IGF2R: variants seen among roughly 807,000 people sequenced by gnomAD.
The protein encoded by IGF2R is insulin like growth factor 2 receptor, also known as cation-independent mannose-6-phosphate receptor.
Under a neutral mutation model 270.6 loss-of-function variants are expected in IGF2R, and 91 were observed. That is an observed-to-expected ratio of 0.34 (90% CI 0.28 to 0.40). The LOEUF is 0.40. Among genes scored for constraint, IGF2R ranks in the 10% least tolerant of loss-of-function variants. IGF2R has a pLI of 1.00. For synonymous variants in IGF2R, 1,316 were observed against 1,258.9 expected (o/e 1.05, Z -0.96); for missense variants, 2,805 against 3,188.3 (o/e 0.88, Z 2.90).
At chr6:160,072,501 C>T (rs542579686) in intron 32 of IGF2R, among the ~76,000 whole-genome samples, 3 of 152,348 alleles carry the variant, frequency 2.0e-5, no homozygotes, top group Admixed American at 2.0e-4. Context: ...GCCCACCAGA[C>T]TCTTAGTGGC....
rs8191887 is a variant in IGF2R at position 160,072,936 on chromosome 6, T to C, written c.4690+52T>C. 978 of 1,563,460 alleles carry C rather than the reference T, an allele frequency of 6.3e-4. 9 individuals carry two copies. In the African/African-American group the frequency reaches 0.012, roughly 19 times the overall value. Reference sequence around the variant, plus strand: ...GTCTGACTCTCCCGTCCTCTGGGGTTGTCCTCAGTCTCTTTGCATGCTAAT... The same window carrying C: ...GTCTGACTCTCCCGTCCTCTGGGGTCGTCCTCAGTCTCTTTGCATGCTAAT... On this transcript the variant is annotated intron_variant, in intron 33 of 47. Coordinates refer to ENST00000356956, the MANE Select transcript of IGF2R (RefSeq NM_000876.4).
Position 160,073,918 on chromosome 6 carries a change from AGT to A in IGF2R, c.5111_5112del (p.Val1704AlafsTer14). The part of the protein sequence containing the change: ...ICQPLNPMHG[V>X]PCPAGAAVCK... ...GTCAGCCACTAAATCCCATGCACGG[AGT>A]GCCCTGTCCTGCCGGAGCCGCTGTG... On this transcript the variant is annotated frameshift_variant, in exon 35 of 48. Transcript: ENST00000356956. LOFTEE classifies it high-confidence loss of function. The A allele has an allele frequency of 6.2e-7, 1 of 1,614,186 alleles. No homozygotes were observed. The highest frequency in any genetic ancestry group is 8.5e-7 in the Non-Finnish European group (1 of 1,180,016).
chr6:160,043,080 C>T (rs1777982125), intron 11 of IGF2R, 68 bp from the exon 12 acceptor site: 7 of 1,556,876 alleles, frequency 4.5e-6, no homozygotes, highest in Middle Eastern at 1.7e-4. Context: ...GGCTTAATCA[C>T]TATTTATTCT....
intron 4 of IGF2R, among the ~76,000 whole-genome samples, chr6:160,021,750 GA>G (rs955349441): frequency 6.6e-6 from 1 of 151,540 alleles, no homozygotes; most frequent in African/African-American, 2.4e-5. Context: ...CAGAGTTGCA[GA>G]AAAAAAAGAG....
Position 160,034,476 on chromosome 6 carries a change from G to T in IGF2R, c.1269G>T (p.Gly423=). The stretch of plus-strand genomic sequence containing the variant: ...TTGGAGGTGATGAATGCAGCTCAGG[G>T]TTTCAGCGGATGAGCGTCATAAACT... The part of the protein sequence containing the change: ...IYFGGDECSS[G]FQRMSVINFE... The change falls in exon 10 of 48, where the codon GGG becomes GGT. Residue 423 remains glycine (G), a synonymous_variant. Coordinates refer to ENST00000356956, the MANE Select transcript of IGF2R (RefSeq NM_000876.4). 1.2e-6 allele frequency: 2 copies of T among 1,611,710 alleles called. No individual in the cohort carries two copies. Among genetic ancestry groups the T allele is most frequent in the Non-Finnish European group, 1.7e-6 (2 of 1,177,840 alleles).
At chr6:160,047,393 C>T (rs1318465476) in intron 16 of IGF2R, 57 bp downstream of exon 16, 3 of 1,412,642 alleles carry the variant, frequency 2.1e-6, no homozygotes, top group African/African-American at 1.4e-5. Flanking sequence ...TGTGGTGGGC[C>T]TTTCATTTAA....
chr6:160,024,059 C>T (rs748052605), intron 4 of IGF2R, among the ~76,000 whole-genome samples: 9 of 152,132 alleles, frequency 5.9e-5, no homozygotes, highest in East Asian at 1.9e-4. Flanking sequence ...GGCTAGGACA[C>T]GAGCACTGGA....
At chr6:160,041,582 A>G (rs1317302155) in intron 11 of IGF2R, among the ~76,000 whole-genome samples, 1 of 152,106 alleles carries the variant, frequency 6.6e-6, no homozygotes, top group Non-Finnish European at 1.5e-5. Flanking sequence ...CGTTCTCCAC[A>G]TGTATCTTGT....
rs532140088 is a variant in IGF2R at position 160,101,990 on chromosome 6, G to A, written c.6843-529G>A. On this transcript the variant is annotated intron_variant, in intron 45 of 47. Coordinates refer to ENST00000356956, the MANE Select transcript of IGF2R (RefSeq NM_000876.4). ...GTCGGGGGCTGTGCTGGGCTCTGCT[G>A]CTCCCTGGGCCCCACCCTGGTCTGT... Among the ~76,000 whole-genome samples, 13 of 152,342 alleles carry A rather than the reference G, an allele frequency of 8.5e-5. No individual in the cohort carries two copies. In the South Asian group the frequency reaches 2.5e-3, roughly 29 times the overall value.
chr6:160,087,771 G>A (rs1336444053), intron 41 of IGF2R, among the ~76,000 whole-genome samples: 1 of 152,170 alleles, frequency 6.6e-6, no homozygotes, highest in Non-Finnish European at 1.5e-5. Flanking sequence ...TGCCTCCCGG[G>A]TTCAAGCAAT....
intron 2 of IGF2R, chr6:160,007,121 A>G (rs1784254521): frequency 6.7e-6 from 1 of 149,186 alleles, no homozygotes; most frequent in Admixed American, 6.6e-5. Context: ...TAATTTATCC[A>G]CTCTTCTGTT....
intron 36 of IGF2R, among the ~76,000 whole-genome samples, chr6:160,076,273 A>G (rs1419575552): frequency 1.3e-5 from 2 of 152,232 alleles, no homozygotes; most frequent in African/African-American, 4.8e-5. Flanking sequence ...TGATGCATAA[A>G]AGTGTCATAA....
chr6:160,046,357 C>T (rs750091336), intron 14 of IGF2R, 141 bp from the exon 15 acceptor site: 4 of 723,630 alleles, frequency 5.5e-6, no homozygotes, highest in East Asian at 2.8e-5. Flanking sequence ...CAAGGGGCAG[C>T]GTCTCTTCTG....
At position 160,079,866 on chromosome 6, in the gene IGF2R, C is replaced by T. The variant is rs558379199; in HGVS notation, c.5686+79C>T. 5,883 of 1,282,202 alleles carry T rather than the reference C, an allele frequency of 4.6e-3. 24 individuals are homozygous for T. The highest frequency in any genetic ancestry group is 5.6e-3 in the Non-Finnish European group (5,297 of 940,282). The allele number at this position is 1,282,202 out of a possible 1,614,324, so 79.4% of individuals were successfully genotyped here. ...TAGACATAGCAGCAGAAAGAAGCTG[C>T]GGAGTGGAGCTCCACGGTCCTATGA... is the stretch of plus-strand genomic sequence containing the variant. On this transcript the variant is annotated intron_variant, in intron 38 of 47. Coordinates refer to ENST00000356956, the MANE Select transcript of IGF2R (RefSeq NM_000876.4).
chr6:160,008,037 T>G (rs1053397486), intron 2 of IGF2R, among the ~76,000 whole-genome samples: 2 of 152,184 alleles, frequency 1.3e-5, no homozygotes, highest in Non-Finnish European at 2.9e-5. Context: ...CCACCTAAAA[T>G]ACACTAATAC....
Position 160,040,629 on chromosome 6 carries a change from C to T in IGF2R, c.1385C>T (p.Thr462Met), listed in dbSNP as rs148927830. ...TGCACCTACTTCTTCACATGGGACA[C>T]GGAATACGCCTGTGTTAAGGAGAAG... The part of the protein sequence containing the change: ...VDCTYFFTWD[T>M]EYACVKEKED... Residue 462 changes from threonine to methionine, a missense_variant, in exon 11 of 48, where the codon ACG (threonine) becomes ATG (methionine). Transcript: ENST00000356956. 7.4e-6 allele frequency: 12 copies of T among 1,614,062 alleles called. No homozygotes were observed. The highest frequency in any genetic ancestry group is 2.2e-5 in the East Asian group (1 of 44,886).
In IGF2R at chr6:160,043,285, G is replaced by T; in HGVS notation, c.1618G>T (p.Val540Leu). ...TCCCGAGGACGCGGCAGTGTGTGCA[G>T]TGGGTGAGTTGTGCCTGGATGGAAG... Reference protein sequence around the residue: ...GCPEDAAVCAVDKNGSKNLGK... With the variant: ...GCPEDAAVCALDKNGSKNLGK... The change falls in exon 12 of 48, where the codon GTG becomes TTG. Residue 540 changes from valine (V) to leucine (L), a missense_variant. This residue lies in a region of IGF2R where 954 missense variants were observed against 981.1 expected (regional missense o/e 0.97). Coordinates refer to ENST00000356956, the MANE Select transcript of IGF2R (RefSeq NM_000876.4). 6.2e-7 allele frequency: 1 copy of T among 1,613,620 alleles called. No homozygotes were observed. The highest frequency in any genetic ancestry group is 1.1e-5 in the South Asian group (1 of 90,994).
At chr6:160,028,026 G>A (rs1427169332) in intron 6 of IGF2R, among the ~76,000 whole-genome samples, 1 of 152,048 alleles carries the variant, frequency 6.6e-6, no homozygotes, top group Non-Finnish European at 1.5e-5. Flanking sequence ...TAACCTGAGG[G>A]GAAAAGTGTT....
intron 31 of IGF2R, among the ~76,000 whole-genome samples, 171 bp from the exon 32 acceptor site, chr6:160,071,739 C>T (rs928365045): frequency 1.3e-5 from 2 of 152,200 alleles, no homozygotes; most frequent in African/African-American, 2.4e-5. Flanking sequence ...GCTCAGGACA[C>T]ATTCTGACCC....
Sources: allele counts gnomAD v4.1 joint callset (sites outside exome capture counted in the v4.1 genomes callset), GRCh38; gene constraint gnomAD v4.1.1; regional missense constraint gnomAD v4.1.1; transcripts MANE v1.5; gene names NCBI Gene and HGNC (gene_info 2026-07-23, HGNC 2026-07-21).